CEMIP: variants seen among roughly 807,000 people sequenced by gnomAD.
The protein encoded by CEMIP is cell migration-inducing and hyaluronan-binding protein.
Under a neutral mutation model 156.9 loss-of-function variants are expected in CEMIP, and 105 were observed. The observed-to-expected ratio is 0.67, with a 90% confidence interval of 0.57 to 0.79. CEMIP has a LOEUF of 0.79. Among genes scored for constraint, CEMIP ranks in the 30% least tolerant of loss-of-function variants. The pLI is 0.00. For synonymous variants in CEMIP, 676 were observed against 668.4 expected (o/e 1.01, Z -0.17); for missense variants, 1,457 against 1,769.4 (o/e 0.82, Z 3.17).
At chr15:80,894,265 G>C (rs1334060761) in intron 10 of CEMIP, among the ~76,000 whole-genome samples, 1 of 152,212 alleles carries the variant, frequency 6.6e-6, no homozygotes, top group Non-Finnish European at 1.5e-5. Flanking sequence ...TAGAAGTGTT[G>C]TGATGTAGTT....
intron 1 of CEMIP, among the ~76,000 whole-genome samples, chr15:80,855,618 T>C (rs1248537398): frequency 6.6e-6 from 1 of 152,078 alleles, no homozygotes; most frequent in African/African-American, 2.4e-5. Context: ...AGCTCCTGCC[T>C]CCTGGGTTCA....
At chr15:80,815,875 A>T (rs1262973608) in intron 1 of CEMIP, among the ~76,000 whole-genome samples, 1 of 152,216 alleles carries the variant, frequency 6.6e-6, no homozygotes, top group African/African-American at 2.4e-5. Context: ...AATCTTTGCC[A>T]TACAGCTCGG....
At chr15:80,894,110 G>C (rs1429034642) in intron 10 of CEMIP, among the ~76,000 whole-genome samples, 1 of 152,152 alleles carries the variant, frequency 6.6e-6, no homozygotes, top group Non-Finnish European at 1.5e-5. Context: ...CTCACTCTGT[G>C]CCAGGCCCTG....
intron 7 of CEMIP, among the ~76,000 whole-genome samples, chr15:80,887,109 C>T (rs1186198594): frequency 7.2e-5 from 11 of 152,172 alleles, no homozygotes; most frequent in Admixed American, 3.9e-4. Context: ...TAAAGCAGCA[C>T]GTGCTTTCAT....
intron 6 of CEMIP, among the ~76,000 whole-genome samples, chr15:80,883,218 T>A (rs1898722910): frequency 6.6e-6 from 1 of 152,230 alleles, no homozygotes; most frequent in Admixed American, 6.5e-5. Flanking sequence ...ATCTTTATCC[T>A]TACATGGGGA....
At position 80,876,875 on chromosome 15, in the gene CEMIP, A is replaced by G. The variant is rs377137160; in HGVS notation, c.95-1846A>G. Among the ~76,000 whole-genome samples, 198 of 152,342 alleles carry G rather than the reference A, an allele frequency of 1.3e-3. 6 individuals carry two copies. The South Asian group carries it at 0.039, about 30-fold the overall frequency. On this transcript the variant is annotated intron_variant, in intron 3 of 29. Transcript: ENST00000394685. ...GCGCATTTAGAACTGACACGCTCAT[A>G]ATTGCACTGTATTAGTCTGTTTTCA...
intron 1 of CEMIP, among the ~76,000 whole-genome samples, chr15:80,800,021 ATGTGTGTGTGTGTGTG>A (rs56412231): frequency 7.2e-4 from 90 of 124,904 alleles, no homozygotes; most frequent in Middle Eastern, 4.0e-3. Flanking sequence ...AGCTAATTTT[ATGTGTGTGTGTGTGTG>A]TGTGTGTGTG....
intron 10 of CEMIP, among the ~76,000 whole-genome samples, chr15:80,891,237 G>T (rs1451632931): frequency 6.6e-6 from 1 of 152,126 alleles, no homozygotes; most frequent in Non-Finnish European, 1.5e-5. Flanking sequence ...CTGTTGATTG[G>T]AAGACCACCT....
chr15:80,926,833 C>CTGCTTTTTTTTTTT (rs1900697781), intron 19 of CEMIP, among the ~76,000 whole-genome samples: 1 of 104,128 alleles, frequency 9.6e-6, no homozygotes, highest in Non-Finnish European at 1.9e-5. Context: ...GGGGGGGGGT[C>CTGCTTTTTTTTTTT]TTCTTTTTTT....
At chr15:80,928,637 T>G (rs1330431986) in intron 19 of CEMIP, among the ~76,000 whole-genome samples, 1 of 152,168 alleles carries the variant, frequency 6.6e-6, no homozygotes, top group Non-Finnish European at 1.5e-5. Flanking sequence ...CCAGTCTGCA[T>G]GCTGTCAATG....
Position 80,909,180 on chromosome 15 carries a change from T to C in CEMIP, c.1671T>C (p.Ile557=). The change falls in exon 14 of 30, where the codon ATT becomes ATC. Residue 557 remains isoleucine (I), a synonymous_variant. Transcript: ENST00000394685. ...MGQQLVGQYP[I]HFHLAGDVDE... ...AGCAGCTGGTGGGTCAGTACCCGAT[T>C]CACTTCCACCTGGCCGGTGATGTAG... 6.2e-7 allele frequency: 1 copy of C among 1,614,166 alleles called. No homozygotes were observed. Among genetic ancestry groups the C allele is most frequent in the Non-Finnish European group, 8.5e-7 (1 of 1,180,018 alleles).
intron 1 of CEMIP, among the ~76,000 whole-genome samples, chr15:80,846,617 A>G (rs1897565945): frequency 6.6e-6 from 1 of 152,218 alleles, no homozygotes; most frequent in Admixed American, 6.5e-5. Flanking sequence ...GAGTAACAGC[A>G]GCTTAGAGAC....
intron 18 of CEMIP, 21 bp downstream of exon 18, chr15:80,924,727 C>T: frequency 6.2e-7 from 1 of 1,608,098 alleles, no homozygotes; most frequent in South Asian, 1.1e-5. Context: ...ATTGGGAAGA[C>T]ACAGTCCACG....
intron 6 of CEMIP, among the ~76,000 whole-genome samples, chr15:80,883,809 T>C (rs1489010237): frequency 1.3e-5 from 2 of 152,162 alleles, no homozygotes; most frequent in Non-Finnish European, 2.9e-5. Context: ...AGTCAGGCTC[T>C]TCCAAGAGGC....
chr15:80,928,940 A>C lies in CEMIP; in HGVS notation c.2456+3A>C. On this transcript the variant is annotated splice_donor_region_variant and intron_variant, in intron 20 of 29. Transcript: ENST00000394685. ...GGCATTGGCCTGACCCTGGCCAGGT[A>C]AGGGCAACTGTCATTGTACTTGGTC... is the stretch of plus-strand genomic sequence containing the variant. 6.2e-7 allele frequency: 1 copy of C among 1,614,226 alleles called. No homozygotes were observed. The highest frequency in any genetic ancestry group is 8.5e-7 in the Non-Finnish European group (1 of 1,180,040).
At chr15:80,842,500 G>A (rs1313609196) in intron 1 of CEMIP, among the ~76,000 whole-genome samples, 2 of 152,196 alleles carry the variant, frequency 1.3e-5, no homozygotes, top group African/African-American at 2.4e-5. Context: ...GGGAGGCTGA[G>A]GCGGGTGGAT....
intron 1 of CEMIP, among the ~76,000 whole-genome samples, chr15:80,819,171 C>T (rs1466964729): frequency 6.6e-6 from 1 of 152,216 alleles, no homozygotes; most frequent in Non-Finnish European, 1.5e-5. Flanking sequence ...TCCAAAAATA[C>T]CCAGTCCTAT....
intron 1 of CEMIP, among the ~76,000 whole-genome samples, chr15:80,850,085 G>T (rs1474628473): frequency 6.6e-6 from 1 of 152,210 alleles, no homozygotes; most frequent in African/African-American, 2.4e-5. Context: ...TGTTCAGGGA[G>T]AGGAGGCTGT....
chr15:80,922,913 G>A (rs999396300), intron 17 of CEMIP, among the ~76,000 whole-genome samples: 9 of 152,216 alleles, frequency 5.9e-5, no homozygotes, highest in Non-Finnish European at 1.3e-4. Flanking sequence ...CCAGGGCGGT[G>A]CGCAGACAGA....
Sources: gnomAD v4.1 joint callset for allele counts (sites outside exome capture counted in the v4.1 genomes callset) on GRCh38, gnomAD v4.1.1 for gene constraint, MANE v1.5 for transcripts, NCBI Gene and HGNC (gene_info 2026-07-23, HGNC 2026-07-21) for gene names.